The following PRKCE variants were observed in gnomAD, a reference collection of about 807,000 sequenced individuals.
The protein encoded by PRKCE is protein kinase C epsilon.
In PRKCE, 16 loss-of-function variants were observed where a neutral mutation model predicts 85.4. The ratio of observed to expected loss-of-function variants is 0.19; its 90% CI spans 0.13 to 0.28. The LOEUF (loss-of-function observed/expected upper bound fraction) is 0.28, where lower values mean the gene tolerates loss of function less well. Ranked by LOEUF, PRKCE falls within the 10% of genes least tolerant of loss-of-function variation. The pLI, the probability that PRKCE is intolerant of heterozygous loss-of-function variation, is 1.00. For missense variants in PRKCE, 573 were observed against 975.2 expected, an observed-to-expected ratio of 0.59 and a Z score of 5.49; for synonymous variants, 388 against 371.5, an observed-to-expected ratio of 1.04 and a Z score of -0.51.
chr2:45,836,837 T>A (rs1259090061), intron 1 of PRKCE, among the ~76,000 whole-genome samples: 4 of 152,218 alleles, frequency 2.6e-5, no homozygotes, highest in Non-Finnish European at 4.4e-5. Flanking sequence ...GTCCTTCTCA[T>A]CCTTTCTGGA....
At chr2:45,933,357 C>T (rs1197798179) in intron 2 of PRKCE, among the ~76,000 whole-genome samples, 1 of 151,366 alleles carries the variant, frequency 6.6e-6, no homozygotes, top group Non-Finnish European at 1.5e-5. Flanking sequence ...TATGGTTTGA[C>T]CTTTTCGTAT....
intron 1 of PRKCE, among the ~76,000 whole-genome samples, chr2:45,656,711 A>G (rs1220713990): frequency 6.6e-6 from 1 of 152,212 alleles, no homozygotes; most frequent in Non-Finnish European, 1.5e-5. Flanking sequence ...TGATGCTACA[A>G]TTTGGAATAA....
chr2:45,708,872 T>C (rs1573011365), intron 1 of PRKCE, among the ~76,000 whole-genome samples: 1 of 152,248 alleles, frequency 6.6e-6, no homozygotes, highest in East Asian at 1.9e-4. Context: ...GTGTTGAAGG[T>C]GGCAGAGTCA....
At chr2:46,049,489 T>C (rs756969969) in intron 10 of PRKCE, among the ~76,000 whole-genome samples, 8 of 152,194 alleles carry the variant, frequency 5.3e-5, no homozygotes, top group Non-Finnish European at 8.8e-5. Flanking sequence ...CATCTTGCAA[T>C]TAACTGTGAG....
chr2:46,067,881 G>C (rs1394462604), intron 10 of PRKCE, among the ~76,000 whole-genome samples: 1 of 152,170 alleles, frequency 6.6e-6, no homozygotes, highest in East Asian at 1.9e-4. Flanking sequence ...TGTGAATCTG[G>C]AATGCCGGTA....
intron 10 of PRKCE, among the ~76,000 whole-genome samples, chr2:46,012,368 A>C (rs1211173110): frequency 6.6e-6 from 1 of 151,534 alleles, no homozygotes; most frequent in Non-Finnish European, 1.5e-5. Context: ...GAGAAGTAAA[A>C]CTATTTTGCT....
chr2:46,149,962 T>C (rs1441369342), intron 12 of PRKCE, among the ~76,000 whole-genome samples: 1 of 151,780 alleles, frequency 6.6e-6, no homozygotes, highest in East Asian at 1.9e-4. Flanking sequence ...GCTCAAGTGA[T>C]TTTTCCACCT....
In PRKCE at chr2:45,824,796, G is replaced by A. The variant is rs1401866214; in HGVS notation, c.349-18204G>A. 2.0e-5 allele frequency among the ~76,000 whole-genome samples: 3 copies of A among 152,062 alleles called. No individual in the cohort carries two copies. The East Asian group carries it at 5.8e-4, about 29-fold the overall frequency. On this transcript the variant is annotated intron_variant, in intron 1 of 14. Transcript: ENST00000306156. ...CTTTATGTGAGTTTTCTGATTTGTTGTGTGTTGCTTATCTGTTTATGAATG... is the reference window on the plus strand; with the variant it reads ...CTTTATGTGAGTTTTCTGATTTGTTATGTGTTGCTTATCTGTTTATGAATG...
rs368926053 is a variant in PRKCE at position 45,956,400 on chromosome 2, C to T, written c.413-20029C>T. ...GTTTTATTTTATAAGAACCTGCAGG[C>T]TGGATGCAGTGGGTCACGCCTATAA... is the stretch of plus-strand genomic sequence containing the variant. On this transcript the variant is annotated intron_variant, in intron 2 of 14. Transcript: ENST00000306156. Among the ~76,000 whole-genome samples, 12 of 152,038 alleles carry T rather than the reference C, an allele frequency of 7.9e-5. No homozygotes were observed. In the South Asian group the frequency reaches 1.7e-3, roughly 21 times the overall value.
intron 2 of PRKCE, among the ~76,000 whole-genome samples, chr2:45,884,374 G>A (rs896033211): frequency 1.6e-4 from 25 of 152,324 alleles, no homozygotes; most frequent in Middle Eastern, 6.8e-3. Flanking sequence ...GACCTGTCCA[G>A]GGTTCATAGT....
intron 1 of PRKCE, among the ~76,000 whole-genome samples, chr2:45,806,639 A>C (rs1239079582): frequency 6.6e-6 from 1 of 152,194 alleles, no homozygotes; most frequent in Non-Finnish European, 1.5e-5. Flanking sequence ...TGTCTCTATG[A>C]ATGTGACTAC....
chr2:45,914,381 C>T (rs573716165), intron 2 of PRKCE, among the ~76,000 whole-genome samples: 8 of 152,174 alleles, frequency 5.3e-5, no homozygotes, highest in Non-Finnish European at 8.8e-5. Flanking sequence ...TGTGTCTCAA[C>T]GATGTGTGGT....
At chr2:46,098,035 C>A (rs1250967521) in intron 11 of PRKCE, among the ~76,000 whole-genome samples, 1 of 152,138 alleles carries the variant, frequency 6.6e-6, no homozygotes, top group African/African-American at 2.4e-5. Flanking sequence ...AGGTTTAGAG[C>A]AAACAGGAAG....
Position 46,145,754 on chromosome 2 carries a change from G to A in PRKCE, c.1731+523G>A, listed in dbSNP as rs971259669. Among the ~76,000 whole-genome samples, 1 of 152,130 alleles carries A rather than the reference G, an allele frequency of 6.6e-6. No homozygotes were observed. The highest frequency in any genetic ancestry group is 2.4e-5 in the African/African-American group (1 of 41,426). On this transcript the variant is annotated intron_variant, in intron 12 of 14. Coordinates refer to ENST00000306156, the MANE Select transcript of PRKCE (RefSeq NM_005400.3). This position sits in a 1 kb window ranked among gnomAD's most constrained non-coding sequence, Gnocchi z 4.6. Reference sequence around the variant, plus strand: ...ATAGTGGTGCAAACCTGTAGTCCCAGCTACTTGGGAGGCTGAGGTGAAAGG... The same window carrying A: ...ATAGTGGTGCAAACCTGTAGTCCCAACTACTTGGGAGGCTGAGGTGAAAGG...
intron 2 of PRKCE, among the ~76,000 whole-genome samples, chr2:45,898,674 G>C (rs1052438883): frequency 6.6e-6 from 1 of 152,224 alleles, no homozygotes. Flanking sequence ...ACTGTGGGAA[G>C]AGAGTACCAG....
chr2:45,866,283 T>A (rs1693601114), intron 2 of PRKCE, among the ~76,000 whole-genome samples: 1 of 152,108 alleles, frequency 6.6e-6, no homozygotes, highest in African/African-American at 2.4e-5. Flanking sequence ...TTTCTTTTTA[T>A]TTATTTAATT....
At chr2:45,992,406 T>C (rs1435169745) in intron 6 of PRKCE, among the ~76,000 whole-genome samples, 3 of 152,170 alleles carry the variant, frequency 2.0e-5, no homozygotes, top group Non-Finnish European at 4.4e-5. Context: ...GTGATGACAT[T>C]TGGCCCAGCA....
chr2:46,157,746 C>T (rs1011253228), intron 13 of PRKCE, among the ~76,000 whole-genome samples: 3 of 152,212 alleles, frequency 2.0e-5, no homozygotes, highest in Admixed American at 1.3e-4. Context: ...GATACTTCCC[C>T]TCCCAGAAAA....
intron 1 of PRKCE, among the ~76,000 whole-genome samples, chr2:45,692,538 C>T (rs1460351376): frequency 6.6e-6 from 1 of 152,190 alleles, no homozygotes; most frequent in Non-Finnish European, 1.5e-5. Flanking sequence ...AGGTCACATT[C>T]ATCAGTACCG....
Sources: allele counts gnomAD v4.1 joint callset (sites outside exome capture counted in the v4.1 genomes callset), GRCh38; gene constraint gnomAD v4.1.1; non-coding constraint Gnocchi (gnomAD v3.1); transcripts MANE v1.5; gene names NCBI Gene and HGNC (gene_info 2026-07-23, HGNC 2026-07-21).